KAZN: variants seen among roughly 807,000 people sequenced by gnomAD.
KAZN encodes the protein kazrin.
Under a neutral mutation model 87.4 loss-of-function variants are expected in KAZN, and 40 were observed. The ratio of observed to expected loss-of-function variants is 0.46; its 90% CI spans 0.36 to 0.60. The LOEUF is 0.60. Among genes scored for constraint, KAZN ranks in the 20% least tolerant of loss-of-function variants. The pLI is 0.00. For missense variants in KAZN, 898 were observed against 1,073.9 expected, an observed-to-expected ratio of 0.84 and a Z score of 2.29; for synonymous variants, 466 against 458.3, an observed-to-expected ratio of 1.02 and a Z score of -0.22.
chr1:14,288,260 G>GCTC (rs1374532026), intron 2 of KAZN, among the ~76,000 whole-genome samples: 1 of 152,214 alleles, frequency 6.6e-6, no homozygotes, highest in Non-Finnish European at 1.5e-5. Context: ...AACGGTACCA[G>GCTC]CTCCTCTTTG....
chr1:14,593,020 A>C (rs1457391896), intron 2 of KAZN, among the ~76,000 whole-genome samples: 2 of 152,232 alleles, frequency 1.3e-5, no homozygotes, highest in Non-Finnish European at 2.9e-5. Context: ...TGTGCTGAGC[A>C]CTGAAGGGAT....
intron 1 of KAZN, among the ~76,000 whole-genome samples, chr1:14,648,439 A>G (rs1680971896): frequency 6.6e-6 from 1 of 152,254 alleles, no homozygotes; most frequent in Non-Finnish European, 1.5e-5. Context: ...TCTTTGATCA[A>G]TAACCACAAG....
intron 1 of KAZN, among the ~76,000 whole-genome samples, chr1:14,077,840 A>G (rs547892479): frequency 2.8e-4 from 43 of 152,198 alleles, no homozygotes; most frequent in African/African-American, 9.2e-4. Context: ...AGAGGGAGAA[A>G]GCAATGTGAA....
At chr1:14,817,096 A>C (rs573809785) in intron 1 of KAZN, among the ~76,000 whole-genome samples, 1 of 152,286 alleles carries the variant, frequency 6.6e-6, no homozygotes, top group Non-Finnish European at 1.5e-5. Flanking sequence ...TGTCATTGTG[A>C]CAACCCTTCC....
chr1:13,951,472 A>G (rs766907356), intron 1 of KAZN, among the ~76,000 whole-genome samples: 2 of 152,160 alleles, frequency 1.3e-5, no homozygotes, highest in African/African-American at 2.4e-5. Context: ...CTGTCATCCC[A>G]GAAGAATTAT....
At chr1:14,335,742 TGC>T (rs1657212613) in intron 2 of KAZN, among the ~76,000 whole-genome samples, 1 of 151,466 alleles carries the variant, frequency 6.6e-6, no homozygotes, top group Non-Finnish European at 1.5e-5. Context: ...GGCGTGCATG[TGC>T]GCGCACACAC....
At chr1:14,419,660 G>A (rs1665204372) in intron 2 of KAZN, among the ~76,000 whole-genome samples, 1 of 152,208 alleles carries the variant, frequency 6.6e-6, no homozygotes, top group South Asian at 2.1e-4. Flanking sequence ...GATGTGTTCA[G>A]AGTTCCTTCC....
At chr1:15,048,289 C>T (rs1176143449) in intron 4 of KAZN, among the ~76,000 whole-genome samples, 5 of 152,220 alleles carry the variant, frequency 3.3e-5, no homozygotes, top group Non-Finnish European at 7.3e-5. Context: ...TGAAGGTGGG[C>T]ACCCTGAGGC....
chr1:14,879,181 T>G (rs1225001796), intron 1 of KAZN, among the ~76,000 whole-genome samples: 1 of 152,178 alleles, frequency 6.6e-6, no homozygotes, highest in African/African-American at 2.4e-5. Context: ...AGTGCTGACC[T>G]TGTGCTGGTC....
chr1:14,902,307 G>C (rs537514720), intron 1 of KAZN, among the ~76,000 whole-genome samples: 1 of 151,412 alleles, frequency 6.6e-6, no homozygotes, highest in Non-Finnish European at 1.5e-5. Flanking sequence ...CTCACAGCAA[G>C]CTCCGCCTCC....
At chr1:14,510,553 C>T (rs1001342172) in intron 2 of KAZN, among the ~76,000 whole-genome samples, 3 of 152,134 alleles carry the variant, frequency 2.0e-5, no homozygotes, top group African/African-American at 7.2e-5. Flanking sequence ...TTTGCTAAAT[C>T]TGGCAATGCT....
intron 2 of KAZN, among the ~76,000 whole-genome samples, chr1:14,373,552 T>TAA (rs1020365933): frequency 9.8e-5 from 15 of 152,334 alleles, no homozygotes; most frequent in African/African-American, 3.6e-4. Context: ...ATTCAAATGC[T>TAA]AATCTCTTCC....
At chr1:15,000,493 G>A (rs1046816596) in intron 2 of KAZN, among the ~76,000 whole-genome samples, 9 of 151,918 alleles carry the variant, frequency 5.9e-5, no homozygotes, top group African/African-American at 1.5e-4. Context: ...ATTCAAAGTA[G>A]GGCTGAGGAG....
At chr1:14,297,647 C>A (rs1276313658) in intron 2 of KAZN, among the ~76,000 whole-genome samples, 1 of 152,124 alleles carries the variant, frequency 6.6e-6, no homozygotes, top group African/African-American at 2.4e-5. Flanking sequence ...CTAGGGGATG[C>A]AGTTGTCAGT....
At chr1:15,068,225 C>T (rs1639348686) in intron 8 of KAZN, 1 of 312,956 alleles carries the variant, frequency 3.2e-6, no homozygotes. Context: ...GAGGCACAGG[C>T]TGGCATGACC....
intron 1 of KAZN, among the ~76,000 whole-genome samples, chr1:14,811,083 C>T (rs909841114): frequency 6.6e-6 from 1 of 152,176 alleles, no homozygotes; most frequent in Non-Finnish European, 1.5e-5. Context: ...CATTTCCCCC[C>T]TCAAAGCAAC....
rs148500842 is a variant in KAZN, at chr1:14,580,924, C to T, written c.250-18059C>T. On this transcript the variant is annotated intron_variant, in intron 2 of 16. Coordinates refer to the KAZN transcript ENST00000636203. ...TCAAACACTTTCTCTCCACGGCTTT[C>T]GGGACACCACTTCTCTCACTGCTCC... 3.7e-3 allele frequency among the ~76,000 whole-genome samples: 559 copies of T among 152,258 alleles called. 1 individual carries two copies. Among genetic ancestry groups the T allele is most frequent in the African/African-American group, 0.012 (510 of 41,576 alleles).
At chr1:14,629,910 T>C (rs1419149563) in intron 1 of KAZN, among the ~76,000 whole-genome samples, 1 of 152,138 alleles carries the variant, frequency 6.6e-6, no homozygotes, top group Non-Finnish European at 1.5e-5. Flanking sequence ...TTTGGCTCTC[T>C]GAGAAGCAAA....
intron 1 of KAZN, among the ~76,000 whole-genome samples, chr1:14,702,084 G>T (rs1049110616): frequency 2.0e-5 from 3 of 152,110 alleles, no homozygotes; most frequent in Non-Finnish European, 4.4e-5. Flanking sequence ...CTGCTTTCTG[G>T]TTACTCATCA....
Sources: allele counts gnomAD v4.1 joint callset (sites outside exome capture counted in the v4.1 genomes callset), GRCh38; gene constraint gnomAD v4.1.1; transcripts MANE v1.5; gene names NCBI Gene and HGNC (gene_info 2026-07-23, HGNC 2026-07-21).